The following TRDN variants were observed in gnomAD, a reference collection of about 807,000 sequenced individuals.
The protein encoded by TRDN is triadin, also known as triadin in skeletal muscle.
TRDN carries 161 observed loss-of-function variants against 149.7 expected under a neutral mutation model. The ratio of observed to expected loss-of-function variants is 1.08; its 90% confidence interval spans 0.95 to 1.23. The LOEUF is 1.23. TRDN is among the 50% of genes most tolerant of loss of function. The pLI, the probability that TRDN is intolerant of heterozygous loss-of-function variation, is 0.00. For missense variants in TRDN, 896 were observed against 823.5 expected (o/e 1.09, Z -1.08); for synonymous variants, 294 against 250.5 (o/e 1.17, Z -1.64).
rs574196186 is a variant in TRDN at position 123,311,196 on chromosome 6, C to T, written c.1510+5261G>A. 7.9e-5 allele frequency among the ~76,000 whole-genome samples: 12 copies of T among 151,960 alleles called. No homozygotes were observed. In the East Asian group the frequency reaches 1.7e-3, roughly 22 times the overall value. ...CAGAAAGGGAAGCAGGAACATTTTA[C>T]GTGGCAGCAGACAAGAGGGAGCAAG... On this transcript the variant is annotated intron_variant, in intron 24 of 40. Transcript: ENST00000334268.
At chr6:123,519,254 A>G (rs1779554291) in intron 5 of TRDN, among the ~76,000 whole-genome samples, 1 of 152,176 alleles carries the variant, frequency 6.6e-6, no homozygotes, top group Non-Finnish European at 1.5e-5. Flanking sequence ...CTGAGTTGGC[A>G]TGGGCCTGCT....
chr6:123,372,499 G>C (rs1781360613), intron 19 of TRDN, among the ~76,000 whole-genome samples: 1 of 152,046 alleles, frequency 6.6e-6, no homozygotes, highest in Non-Finnish European at 1.5e-5. Flanking sequence ...CTGGGCTTTG[G>C]TGGCTATTTT....
At chr6:123,417,778 T>C (rs1303698908) in intron 12 of TRDN, among the ~76,000 whole-genome samples, 1 of 152,078 alleles carries the variant, frequency 6.6e-6, no homozygotes, top group African/African-American at 2.4e-5. Flanking sequence ...ATACATCCCA[T>C]CTCTCCGGTT....
At chr6:123,540,409 T>A (rs373539759) in intron 4 of TRDN, among the ~76,000 whole-genome samples, 1 of 151,566 alleles carries the variant, frequency 6.6e-6, no homozygotes, top group East Asian at 1.9e-4. Context: ...GTTCCAGAAG[T>A]GAAGAAAGAG....
intron 12 of TRDN, among the ~76,000 whole-genome samples, chr6:123,406,087 G>C (rs929164954): frequency 6.6e-6 from 1 of 152,046 alleles, no homozygotes; most frequent in Admixed American, 6.6e-5. Flanking sequence ...TAGAAAACCA[G>C]ATAAGCACAA....
chr6:123,350,154 C>T (rs1427537413), intron 21 of TRDN: 9 of 971,466 alleles, frequency 9.3e-6, no homozygotes, highest in Non-Finnish European at 1.1e-5. Context: ...GGTTAGTAGA[C>T]AAATCTTATT....
rs367716265 is a variant in TRDN, at chr6:123,267,714, T to A, written c.1776A>T (p.Ile592=). ...CCAAAAATGGTAAAATACCTGTTTT[T>A]ATAGATGGAGGTTCTCTTTCTCGAT... ...AEHREREPPS[I]KTDKPKPTPK... The change falls in exon 32 of 41, where the codon ATA becomes ATT. Residue 592 remains isoleucine, a synonymous_variant. Coordinates refer to ENST00000334268, the MANE Select transcript of TRDN (RefSeq NM_006073.4). 6.3e-7 allele frequency: 1 copy of A among 1,577,426 alleles called. No homozygotes were observed. Among genetic ancestry groups the A allele is most frequent in the Non-Finnish European group, 8.6e-7 (1 of 1,161,382 alleles).
At chr6:123,472,630 G>T (rs532028346) in intron 9 of TRDN, among the ~76,000 whole-genome samples, 2,427 of 152,302 alleles carry the variant, frequency 0.016, 70 homozygotes, top group African/African-American at 0.054. Flanking sequence ...CTGGGGGCAG[G>T]GCACAGACAA....
chr6:123,256,731 T>C (rs574055304), intron 35 of TRDN, among the ~76,000 whole-genome samples: 36 of 152,160 alleles, frequency 2.4e-4, no homozygotes, highest in Admixed American at 2.2e-3. Flanking sequence ...CTTTGTCATA[T>C]AAATAGATTA....
At chr6:123,258,095 C>T (rs1388386144) in intron 35 of TRDN, among the ~76,000 whole-genome samples, 3 of 152,176 alleles carry the variant, frequency 2.0e-5, no homozygotes, top group Admixed American at 6.6e-5. Context: ...AACAATTTGA[C>T]TTCCTCTCTT....
intron 40 of TRDN, among the ~76,000 whole-genome samples, chr6:123,221,223 G>A (rs1775136004): frequency 6.6e-6 from 1 of 151,730 alleles, no homozygotes; most frequent in Admixed American, 6.6e-5. Context: ...AGAGTACTAA[G>A]GATCAGAAAT....
intron 33 of TRDN, among the ~76,000 whole-genome samples, chr6:123,263,227 A>C (rs1029340626): frequency 1.3e-5 from 2 of 152,060 alleles, no homozygotes; most frequent in Non-Finnish European, 2.9e-5. Context: ...GATTTAGTGG[A>C]CTGAATAGAA....
At chr6:123,349,474 C>T (rs1004530044) in intron 21 of TRDN, 7 of 876,616 alleles carry the variant, frequency 8.0e-6, no homozygotes, top group Non-Finnish European at 9.6e-6. Context: ...TCACAGGAAT[C>T]TATAATATTA....
At chr6:123,609,998 T>C (rs1330899550) in intron 1 of TRDN, among the ~76,000 whole-genome samples, 1 of 152,138 alleles carries the variant, frequency 6.6e-6, no homozygotes, top group East Asian at 1.9e-4. Flanking sequence ...AATAAGCTTT[T>C]TCAATAAACT....
chr6:123,570,831 A>T, intron 2 of TRDN, 92 bp downstream of exon 2: 4 of 1,188,048 alleles, frequency 3.4e-6, no homozygotes, highest in Non-Finnish European at 4.8e-6. Flanking sequence ...TCACACTAAG[A>T]TGAAACAGAA....
Position 123,217,555 on chromosome 6 carries a change from T to C in TRDN, c.*1046A>G, listed in dbSNP as rs142198365. On this transcript the variant is annotated 3_prime_UTR_variant, in exon 41 of 41. Transcript: ENST00000334268. Reference sequence around the variant, plus strand: ...TCATTCCCAGGGATGCACTGTCGAGTAGATTAAAAATTGTTATCCATGTCA... The same window carrying C: ...TCATTCCCAGGGATGCACTGTCGAGCAGATTAAAAATTGTTATCCATGTCA... 13 of 151,920 alleles carry C rather than the reference T, an allele frequency of 8.6e-5. No individual in the cohort carries two copies. Among genetic ancestry groups the C allele is most frequent in the African/African-American group, 2.4e-4 (10 of 41,498 alleles). The allele number at this position is 151,920 out of a possible 1,614,324, so 9.4% of individuals were successfully genotyped here. A position where few individuals can be genotyped will look rare whatever the true frequency, so the allele number is the denominator to read the frequency against.
chr6:123,492,077 C>A (rs922662191), intron 9 of TRDN, among the ~76,000 whole-genome samples: 2 of 152,108 alleles, frequency 1.3e-5, no homozygotes, highest in Admixed American at 1.3e-4. Context: ...TAGCTATGGA[C>A]TTAAAACCCA....
chr6:123,560,987 C>T (rs980079292), intron 2 of TRDN, among the ~76,000 whole-genome samples: 21 of 152,282 alleles, frequency 1.4e-4, no homozygotes, highest in East Asian at 3.9e-4. Context: ...ACATCAAGCT[C>T]AGGGATTTGC....
intron 20 of TRDN, among the ~76,000 whole-genome samples, chr6:123,356,520 T>TATATATACATATATATATAC (rs1780687112): frequency 7.8e-5 from 2 of 25,700 alleles, no homozygotes; most frequent in African/African-American, 2.1e-4. Context: ...TATATATATA[T>TATATATACATATATATATAC]ATATATATAT....
Sources: gnomAD v4.1 joint callset for allele counts (sites outside exome capture counted in the v4.1 genomes callset) on GRCh38, gnomAD v4.1.1 for gene constraint, MANE v1.5 for transcripts, NCBI Gene and HGNC (gene_info 2026-07-23, HGNC 2026-07-21) for gene names.